Variants in PBRM1 observed in about 807,000 individuals in gnomAD.
PBRM1 encodes the protein polybromo 1, also known as protein polybromo-1.
A neutral mutation model predicts 194.5 loss-of-function variants in PBRM1; 27 were observed. The observed-to-expected ratio is 0.14, with a 90% confidence interval of 0.10 to 0.19. PBRM1 has a LOEUF of 0.19. Ranked by LOEUF, PBRM1 falls within the 10% of genes least tolerant of loss-of-function variation. The pLI, the probability that PBRM1 is intolerant of heterozygous loss-of-function variation, is 1.00. For missense variants in PBRM1, 1,466 were observed against 2,077.2 expected (o/e 0.71, Z 5.72); for synonymous variants, 655 against 693.2 (o/e 0.94, Z 0.87).
At chr3:52,644,625 C>T (rs1053063202) in intron 8 of PBRM1, 79 bp downstream of exon 9, 7 of 598,966 alleles carry the variant, frequency 1.2e-5, no homozygotes, top group East Asian at 3.2e-5. Context: ...CCTCGTGATC[C>T]GCCCACCTCA....
chr3:52,644,409 C>T (rs529942308), intron 8 of PBRM1, among the ~76,000 whole-genome samples: 5 of 151,428 alleles, frequency 3.3e-5, no homozygotes, highest in Admixed American at 2.6e-4. Flanking sequence ...TTTTTGAGAC[C>T]GAGTCTCGCT....
At chr3:52,614,571 C>CTTT (rs755634978) in intron 15 of PBRM1, among the ~76,000 whole-genome samples, 1 of 137,506 alleles carries the variant, frequency 7.3e-6, no homozygotes, top group Non-Finnish European at 1.6e-5. Flanking sequence ...TTTTTCTTCC[C>CTTT]TTTTTTTTTT....
At chr3:52,606,609 G>A (rs1031443582) in intron 16 of PBRM1, among the ~76,000 whole-genome samples, 1 of 152,130 alleles carries the variant, frequency 6.6e-6, no homozygotes, top group East Asian at 1.9e-4. Flanking sequence ...ATTAGTCTAC[G>A]AGGTCAGGTA....
At chr3:52,639,224 C>A in intron 10 of PBRM1, among the ~76,000 whole-genome samples, 1 of 152,148 alleles carries the variant, frequency 6.6e-6, no homozygotes, top group East Asian at 1.9e-4. Flanking sequence ...GATCTGCCCA[C>A]CTCAGGCTCC....
chr3:52,550,436 C>A (rs1335652201), exon 29 of PBRM1: 1 of 1,467,274 alleles, frequency 6.8e-7, no homozygotes, highest in South Asian at 1.6e-5. Context: ...AGTGTCTGAT[C>A]CCACTTGCTA....
At chr3:52,580,809 C>T (rs1025819547) in intron 20 of PBRM1, among the ~76,000 whole-genome samples, 2 of 152,054 alleles carry the variant, frequency 1.3e-5, no homozygotes, top group African/African-American at 2.4e-5. Context: ...GGGTTGTTTA[C>T]GAAGCTTAAG....
At position 52,624,945 on chromosome 3, in the gene PBRM1, G is replaced by A; in HGVS notation, c.1541+2328C>T. ...CATCTCACTGTCATGAGTGTTCCTGGGAAAGCAGAAACAAACATTACATGT... is the reference window on the plus strand; with the variant it reads ...CATCTCACTGTCATGAGTGTTCCTGAGAAAGCAGAAACAAACATTACATGT... On this transcript the variant is annotated intron_variant, in intron 13 of 29. Coordinates refer to ENST00000296302, the Ensembl canonical transcript of PBRM1. 1 of 1,545,682 alleles carries A rather than the reference G, an allele frequency of 6.5e-7. No individual in the cohort carries two copies. Among genetic ancestry groups the A allele is most frequent in the Non-Finnish European group, 8.8e-7 (1 of 1,142,718 alleles).
chr3:52,603,676 AT>A lies in PBRM1; in HGVS notation c.2623del (p.Ile875PhefsTer40). 1 of 1,612,708 alleles carries A rather than the reference AT, an allele frequency of 6.2e-7. No homozygotes were observed. Reference sequence around the variant, plus strand: ...TCCATTTTTGCAGAGTTCATCACGAATTTTAATAAAAAACTGCTGAAGTTCT... The same window carrying A: ...TCCATTTTTGCAGAGTTCATCACGAATTTAATAAAAAACTGCTGAAGTTCT... On this transcript the variant is annotated frameshift_variant, in exon 17 of 30. Transcript: ENST00000296302. LOFTEE classifies it high-confidence loss of function.
chr3:52,580,622 A>C (rs2090917744), intron 20 of PBRM1, among the ~76,000 whole-genome samples: 1 of 152,158 alleles, frequency 6.6e-6, no homozygotes, highest in South Asian at 2.1e-4. Context: ...TTGGCCTCCC[A>C]AAGTGCGGGG....
intron 12 of PBRM1, 48 bp from the exon 14 acceptor site, chr3:52,627,418 C>T (rs2153581486): frequency 9.3e-7 from 1 of 1,073,060 alleles, no homozygotes; most frequent in South Asian, 1.3e-5. Flanking sequence ...CCAAACACTC[C>T]TCTGAATATA....
At chr3:52,671,220 T>C (rs1385075490) in intron 2 of PBRM1, among the ~76,000 whole-genome samples, 1 of 152,204 alleles carries the variant, frequency 6.6e-6, no homozygotes, top group Non-Finnish European at 1.5e-5. Context: ...AAACAAAGTA[T>C]CAAAAAGATA....
chr3:52,602,060 T>C (rs1359198674), intron 17 of PBRM1, among the ~76,000 whole-genome samples: 1 of 152,220 alleles, frequency 6.6e-6, no homozygotes, highest in Non-Finnish European at 1.5e-5. Flanking sequence ...CTGGATGGAA[T>C]GTGCAGATAA....
intron 4 of PBRM1, among the ~76,000 whole-genome samples, chr3:52,661,335 T>A (rs2096720903): frequency 1.3e-5 from 2 of 152,218 alleles, no homozygotes; most frequent in Admixed American, 6.5e-5. Context: ...ATGAAGCATG[T>A]GTCTTTATTT....
chr3:52,647,916 C>CT (rs35665793), intron 7 of PBRM1, among the ~76,000 whole-genome samples: 29 of 148,270 alleles, frequency 2.0e-4, no homozygotes, highest in Non-Finnish European at 2.2e-4. Flanking sequence ...ACATTAAATA[C>CT]TTTTTTTTTT....
intron 11 of PBRM1, 123 bp from the exon 13 acceptor site, chr3:52,629,158 G>A: frequency 1.4e-6 from 1 of 694,056 alleles, no homozygotes; most frequent in Non-Finnish European, 2.3e-6. Flanking sequence ...ATACTGATTA[G>A]GAACTTAAAA....
At chr3:52,560,334 A>ACT (rs2083215749) in intron 25 of PBRM1, among the ~76,000 whole-genome samples, 1 of 152,172 alleles carries the variant, frequency 6.6e-6, no homozygotes, top group Non-Finnish European at 1.5e-5. Context: ...ACACTCCTCC[A>ACT]GCTCAGTGGT....
chr3:52,602,266 A>G (rs556673176), intron 17 of PBRM1, among the ~76,000 whole-genome samples: 4 of 151,946 alleles, frequency 2.6e-5, no homozygotes, highest in Non-Finnish European at 5.9e-5. Flanking sequence ...TGGAGCTCCC[A>G]CTATAGGTCT....
intron 10 of PBRM1, among the ~76,000 whole-genome samples, chr3:52,637,148 A>G (rs2095854556): frequency 6.6e-6 from 1 of 152,126 alleles, no homozygotes; most frequent in Admixed American, 6.5e-5. Context: ...ACACCTAGGT[A>G]TATATTTTGT....
chr3:52,590,104 C>T (rs543718852), intron 17 of PBRM1, among the ~76,000 whole-genome samples: 1 of 151,880 alleles, frequency 6.6e-6, no homozygotes, highest in Non-Finnish European at 1.5e-5. Flanking sequence ...GGATTATAGG[C>T]GTGAGCCACC....
Sources: allele counts gnomAD v4.1 joint callset (sites outside exome capture counted in the v4.1 genomes callset), GRCh38; gene constraint gnomAD v4.1.1; transcripts MANE v1.5; gene names NCBI Gene and HGNC (gene_info 2026-07-23, HGNC 2026-07-21).